The following SLC10A7 variants were observed in gnomAD, a reference collection of about 807,000 sequenced individuals.
The protein encoded by SLC10A7 is solute carrier family 10 member 7, also known as sodium/bile acid cotransporter 7.
A neutral mutation model predicts 43.2 loss-of-function variants in SLC10A7; 29 were observed. The ratio of observed to expected loss-of-function variants is 0.67; its 90% CI spans 0.50 to 0.92. The LOEUF (loss-of-function observed/expected upper bound fraction) is 0.92. SLC10A7 is among the 40% of genes least tolerant of loss of function. The pLI is 0.00. For synonymous variants in SLC10A7, 152 were observed against 144.8 expected (o/e 1.05, Z -0.35); for missense variants, 295 against 403.2 (o/e 0.73, Z 2.30).
intron 5 of SLC10A7, among the ~76,000 whole-genome samples, chr4:146,371,586 A>G (rs1218054982): frequency 6.6e-6 from 1 of 152,184 alleles, no homozygotes; most frequent in Non-Finnish European, 1.5e-5. Context: ...AAGCAGAACA[A>G]AGTGGCTAAG....
chr4:146,463,989 A>AT lies in SLC10A7; in HGVS notation c.397-21169dup, dbSNP rs1001918358. On this transcript the variant is annotated intron_variant, in intron 4 of 11. Transcript: ENST00000335472. ...AGGTATGTGCCACCATACCTAGCTA[A>AT]TTTTTTTTTATACTTTTGAGAGATG... is the stretch of plus-strand genomic sequence containing the variant. Among the ~76,000 whole-genome samples, 20 of 150,788 alleles carry AT rather than the reference A, an allele frequency of 1.3e-4. No individual in the cohort carries two copies. The East Asian group carries it at 2.9e-3, about 22-fold the overall frequency.
chr4:146,432,093 C>T (rs751998976), intron 5 of SLC10A7, among the ~76,000 whole-genome samples: 1 of 152,162 alleles, frequency 6.6e-6, no homozygotes, highest in Non-Finnish European at 1.5e-5. Flanking sequence ...CATACCGCTA[C>T]ACACCTATTA....
At chr4:146,294,614 C>T (rs950250777) in intron 7 of SLC10A7, among the ~76,000 whole-genome samples, 1 of 152,182 alleles carries the variant, frequency 6.6e-6, no homozygotes. Context: ...ATAACTCATG[C>T]TTGAAAAGCA....
rs575560674 is a variant in SLC10A7, at chr4:146,255,634, T to A, written c.*857A>T. 3 of 152,280 alleles carry A rather than the reference T, an allele frequency of 2.0e-5. No homozygotes were observed. In the South Asian group the frequency reaches 6.2e-4, roughly 32 times the overall value. 9.4% of individuals were successfully genotyped at this position (152,280 alleles called of 1,614,324 possible). On this transcript the variant is annotated 3_prime_UTR_variant, in exon 12 of 12. Coordinates refer to ENST00000335472, the MANE Select transcript of SLC10A7 (RefSeq NM_001029998.6). Reference sequence around the variant, plus strand: ...AAAAAATTTGGTCTGGGTTGTGGAATGTGAATAGAATCTACCATTAATTGA... The same window carrying A: ...AAAAAATTTGGTCTGGGTTGTGGAAAGTGAATAGAATCTACCATTAATTGA...
chr4:146,471,824 G>A (rs1733596125), intron 4 of SLC10A7, among the ~76,000 whole-genome samples: 2 of 152,080 alleles, frequency 1.3e-5, no homozygotes, highest in Non-Finnish European at 2.9e-5. Flanking sequence ...CATTTGAACA[G>A]GTCTAGAGAC....
At chr4:146,446,585 A>G (rs1366654683) in intron 4 of SLC10A7, among the ~76,000 whole-genome samples, 1 of 151,856 alleles carries the variant, frequency 6.6e-6, no homozygotes, top group Non-Finnish European at 1.5e-5. Flanking sequence ...CAAAAAAAAA[A>G]AAAAAAATGA....
intron 1 of SLC10A7, among the ~76,000 whole-genome samples, chr4:146,518,153 C>CA (rs1579401865): frequency 6.6e-6 from 1 of 152,154 alleles, no homozygotes; most frequent in East Asian, 1.9e-4. Flanking sequence ...TCATTTGTGA[C>CA]ATGTACACAA....
In SLC10A7 at chr4:146,442,383, T is replaced by C. The variant is rs1054199801; in HGVS notation, c.435+400A>G. 5.0e-6 allele frequency: 5 copies of C among 1,004,798 alleles called. No homozygotes were observed. The African/African-American group carries it at 5.2e-5, about 11-fold the overall frequency. 62.2% of individuals were successfully genotyped at this position (1,004,798 alleles called of 1,614,324 possible). A position where few individuals can be genotyped will look rare whatever the true frequency, so the allele number is the denominator to read the frequency against. On this transcript the variant is annotated intron_variant, in intron 5 of 11. Coordinates refer to ENST00000335472, the MANE Select transcript of SLC10A7 (RefSeq NM_001029998.6). ...AGTGAAATGTACAAAATAAATGGCA[T>C]GTCAACAAGTAAATTAGCATTCCCT...
chr4:146,310,510 G>C (rs1361094243), intron 6 of SLC10A7, among the ~76,000 whole-genome samples: 2 of 152,012 alleles, frequency 1.3e-5, no homozygotes, highest in Non-Finnish European at 2.9e-5. Context: ...TCTAATAGTA[G>C]CCATTCTGAC....
chr4:146,381,486 C>T (rs898754578), intron 5 of SLC10A7, among the ~76,000 whole-genome samples: 2 of 152,124 alleles, frequency 1.3e-5, no homozygotes, highest in Non-Finnish European at 2.9e-5. Flanking sequence ...TAGTCATTCT[C>T]ATTCTCTCCA....
intron 7 of SLC10A7, among the ~76,000 whole-genome samples, chr4:146,305,135 T>C (rs572223893): frequency 0.023 from 3,450 of 151,018 alleles, 140 homozygotes; most frequent in African/African-American, 0.081. Flanking sequence ...CGTATGTTTA[T>C]TGCGACATTA....
intron 5 of SLC10A7, among the ~76,000 whole-genome samples, chr4:146,423,916 GA>G (rs1010892041): frequency 6.6e-6 from 1 of 152,200 alleles, no homozygotes; most frequent in Admixed American, 6.5e-5. Flanking sequence ...CTAAATGTTA[GA>G]AAATCACTGG....
At chr4:146,420,729 T>G (rs1287985849) in intron 5 of SLC10A7, among the ~76,000 whole-genome samples, 1 of 152,046 alleles carries the variant, frequency 6.6e-6, no homozygotes, top group Non-Finnish European at 1.5e-5. Flanking sequence ...GGGGGCTAGA[T>G]AAGAAGTTTC....
intron 5 of SLC10A7, among the ~76,000 whole-genome samples, chr4:146,381,794 C>A (rs1737640481): frequency 6.6e-6 from 1 of 152,082 alleles, no homozygotes; most frequent in Non-Finnish European, 1.5e-5. Flanking sequence ...CAGAAGCTAG[C>A]CCCTGAGACA....
chr4:146,277,812 A>G (rs1729302258), intron 10 of SLC10A7, among the ~76,000 whole-genome samples: 1 of 146,904 alleles, frequency 6.8e-6, no homozygotes, highest in South Asian at 2.2e-4. Context: ...AGGCTGGCTC[A>G]CTAGATCTAC....
intron 5 of SLC10A7, among the ~76,000 whole-genome samples, chr4:146,327,354 G>T (rs1194375927): frequency 6.6e-6 from 1 of 152,138 alleles, no homozygotes; most frequent in Admixed American, 6.5e-5. Context: ...AGGTATTGTG[G>T]CCTATCAACT....
chr4:146,377,573 A>T (rs767120980), intron 5 of SLC10A7, among the ~76,000 whole-genome samples: 1 of 152,088 alleles, frequency 6.6e-6, no homozygotes, highest in African/African-American at 2.4e-5. Flanking sequence ...CTCCCATCTC[A>T]TTATCACTCT....
intron 5 of SLC10A7, among the ~76,000 whole-genome samples, chr4:146,345,736 C>G (rs1283447830): frequency 6.6e-6 from 1 of 152,060 alleles, no homozygotes; most frequent in African/African-American, 2.4e-5. Context: ...AGGAAAGGGA[C>G]CATGCTTATT....
intron 4 of SLC10A7, among the ~76,000 whole-genome samples, chr4:146,475,733 G>A (rs1457387173): frequency 2.0e-5 from 3 of 151,958 alleles, no homozygotes; most frequent in Admixed American, 6.6e-5. Context: ...GATCAAACAA[G>A]TAAAAAAAAT....
Sources: allele counts gnomAD v4.1 joint callset (sites outside exome capture counted in the v4.1 genomes callset), GRCh38; gene constraint gnomAD v4.1.1; transcripts MANE v1.5; gene names NCBI Gene and HGNC (gene_info 2026-07-23, HGNC 2026-07-21).